IL31RA: variants seen among roughly 807,000 people sequenced by gnomAD.
IL31RA encodes interleukin 31 receptor A.
A neutral mutation model predicts 83.7 loss-of-function variants in IL31RA; 66 were observed. The ratio of observed to expected loss-of-function variants is 0.79; its 90% CI spans 0.65 to 0.97. The LOEUF is 0.97. Ranked by LOEUF, IL31RA falls within the 50% of genes least tolerant of loss-of-function variation. The pLI is 0.00. For synonymous variants in IL31RA, 325 were observed against 329.0 expected, an observed-to-expected ratio of 0.99 and a Z score of 0.13; for missense variants, 798 against 919.4, an observed-to-expected ratio of 0.87 and a Z score of 1.71.
the IL31RA span, among the ~76,000 whole-genome samples, chr5:55,842,750 TG>T: frequency 6.6e-6 from 1 of 152,242 alleles, no homozygotes; most frequent in Non-Finnish European, 1.5e-5. Context: ...TACTCAGTTT[TG>T]CTTCCGCAGT....
the IL31RA span, among the ~76,000 whole-genome samples, chr5:55,846,235 T>C: frequency 4.6e-5 from 7 of 152,212 alleles, no homozygotes; most frequent in Non-Finnish European, 1.0e-4. Flanking sequence ...TTTAGCTTTT[T>C]ACTTGTTGTT....
intron 6 of IL31RA, among the ~76,000 whole-genome samples, chr5:55,890,423 G>C (rs748002298): frequency 6.6e-6 from 1 of 152,200 alleles, no homozygotes; most frequent in Non-Finnish European, 1.5e-5. Flanking sequence ...AGGATGGAGT[G>C]CAGTGATGTG....
chr5:55,867,242 TGTTTGTGTGTGC>T (rs1746198059), intron 2 of IL31RA, among the ~76,000 whole-genome samples: 1 of 114,932 alleles, frequency 8.7e-6, no homozygotes, highest in Non-Finnish European at 1.7e-5. Context: ...TTTGTGTGTG[TGTTTGTGTGTGC>T]GTGTGTTTGT....
chr5:55,897,384 G>GA (rs1437846782), intron 7 of IL31RA, among the ~76,000 whole-genome samples: 4 of 151,978 alleles, frequency 2.6e-5, no homozygotes, highest in Non-Finnish European at 4.4e-5. Flanking sequence ...GGGGTGGGTA[G>GA]AAAGTGAAAG....
At chr5:55,907,509 C>T in intron 10 of IL31RA, 49 bp downstream of exon 10, 2 of 1,233,506 alleles carry the variant, frequency 1.6e-6, no homozygotes, top group East Asian at 4.6e-5. Context: ...TGTGACCTGT[C>T]CCACATGCCG....
At chr5:55,875,819 A>G (rs901223325) in intron 4 of IL31RA, among the ~76,000 whole-genome samples, 2 of 152,172 alleles carry the variant, frequency 1.3e-5, no homozygotes, top group African/African-American at 4.8e-5. Flanking sequence ...GCCACTGCTT[A>G]AAACTTTGAG....
intron 4 of IL31RA, among the ~76,000 whole-genome samples, chr5:55,880,289 T>C (rs1747121928): frequency 6.6e-6 from 1 of 152,228 alleles, no homozygotes; most frequent in African/African-American, 2.4e-5. Flanking sequence ...AAGAGTTTTC[T>C]GAATATTTTT....
intron 5 of IL31RA, among the ~76,000 whole-genome samples, chr5:55,887,738 AGCCGGGCGTGTTGGC>A: frequency 6.6e-6 from 1 of 152,210 alleles, no homozygotes; most frequent in East Asian, 1.9e-4. Flanking sequence ...ACAAAAAATT[AGCCGGGCGTGTTGGC>A]AGGCACCTGT....
chr5:55,916,615 C>T, intron 14 of IL31RA, 29 bp from the exon 15 acceptor site: 1 of 1,596,696 alleles, frequency 6.3e-7, no homozygotes, highest in Non-Finnish European at 8.6e-7. Flanking sequence ...CCTAAATGAC[C>T]ACTTGGGATG....
At position 55,916,925 on chromosome 5, in the gene IL31RA, C is replaced by G. The variant is rs182694666; in HGVS notation, c.2100C>G (p.Ser700=). Residue 700 remains serine (S), a synonymous_variant, in exon 15 of 15, where the codon TCC becomes TCG. Coordinates refer to ENST00000652347, the MANE Select transcript of IL31RA (RefSeq NM_139017.7). ...PVSPEIPPRK[S]QYLRSRMPEG... ...CACCTGAGATTCCGCCCAGAAAATC[C>G]CAATACCTACGTTCGAGGATGCCAG... 3 of 1,613,856 alleles carry G rather than the reference C, an allele frequency of 1.9e-6. No individual in the cohort carries two copies. In the Admixed American group the frequency reaches 5.0e-5, roughly 27 times the overall value.
intron 11 of IL31RA, 120 bp downstream of exon 11, chr5:55,908,531 T>A (rs1204221888): frequency 6.3e-7 from 1 of 1,594,354 alleles, no homozygotes; most frequent in Middle Eastern, 1.7e-4. Context: ...CATGAATCAC[T>A]TAGCTTCTTT....
rs1223067464 is a variant in IL31RA, at chr5:55,867,156, T to C, written c.155-1635T>C. On this transcript the variant is annotated intron_variant, in intron 2 of 14. Coordinates refer to ENST00000652347, the MANE Select transcript of IL31RA (RefSeq NM_139017.7). ...GTGTGCATGTGTGTGTGCATGTGTG[T>C]TTGTGTGTGTGCATGTGTGTGTGCA... 1.0e-4 allele frequency among the ~76,000 whole-genome samples: 13 copies of C among 128,040 alleles called. 1 individual carries two copies. The highest frequency in any genetic ancestry group is 2.1e-4 in the Non-Finnish European group (13 of 61,424). 84.0% of individuals were successfully genotyped at this position (128,040 alleles called of 152,430 possible). A position where few individuals can be genotyped will look rare whatever the true frequency, so the allele number is the denominator to read the frequency against.
chr5:55,863,125 T>A (rs746632867), intron 2 of IL31RA, among the ~76,000 whole-genome samples: 1 of 152,194 alleles, frequency 6.6e-6, no homozygotes, highest in Non-Finnish European at 1.5e-5. Context: ...ATCTAGAAAG[T>A]AGAAGTGAAG....
chr5:55,890,700 T>A (rs1445580273), intron 6 of IL31RA, among the ~76,000 whole-genome samples: 1 of 152,214 alleles, frequency 6.6e-6, no homozygotes, highest in African/African-American at 2.4e-5. Flanking sequence ...TATCCTGTGA[T>A]AAATTAAAGA....
chr5:55,916,420 T>C (rs1381818714), intron 14 of IL31RA, among the ~76,000 whole-genome samples: 3 of 151,916 alleles, frequency 2.0e-5, no homozygotes, highest in Admixed American at 6.6e-5. Context: ...AAATAAATTT[T>C]AAAAATTGTT....
Position 55,922,060 on chromosome 5 carries a change from G to C in IL31RA, c.*4940G>C, listed in dbSNP as rs866541843. Among the ~76,000 whole-genome samples, 3 of 145,416 alleles carry C rather than the reference G, an allele frequency of 2.1e-5. No individual in the cohort carries two copies. Among genetic ancestry groups the C allele is most frequent in the Non-Finnish European group, 3.0e-5 (2 of 67,098 alleles). On this transcript the variant is annotated 3_prime_UTR_variant, in exon 15 of 15. Transcript: ENST00000652347. ...TTGCACTCTTATGTTGTGGCGGGGG[G>C]GGGGGGCGGTTCCTGAAGAGTGGAG...
chr5:55,914,961 T>C, intron 14 of IL31RA, 33 bp downstream of exon 14: 1 of 1,497,602 alleles, frequency 6.7e-7, no homozygotes, highest in Non-Finnish European at 9.3e-7. Flanking sequence ...AGGAAATCAT[T>C]GCCGTGGGAG....
the IL31RA span, among the ~76,000 whole-genome samples, chr5:55,841,372 A>G: frequency 1.3e-5 from 2 of 152,214 alleles, no homozygotes; most frequent in African/African-American, 4.8e-5. Flanking sequence ...GTTACTTCTT[A>G]GCATCATGGT....
At chr5:55,867,232 T>A (rs1746190700) in intron 2 of IL31RA, among the ~76,000 whole-genome samples, 2 of 102,426 alleles carry the variant, frequency 2.0e-5, no homozygotes, top group Non-Finnish European at 3.9e-5. Flanking sequence ...TGTGTGTGTG[T>A]TTGTGTGTGT....
Sources: gnomAD v4.1 joint callset for allele counts (sites outside exome capture counted in the v4.1 genomes callset) on GRCh38, gnomAD v4.1.1 for gene constraint, MANE v1.5 for transcripts, NCBI Gene and HGNC (gene_info 2026-07-23, HGNC 2026-07-21) for gene names.